The following RBFOX1 variants were observed in gnomAD, a reference collection of about 807,000 sequenced individuals.
RBFOX1 encodes the protein RNA binding protein fox-1 homolog 1.
A neutral mutation model predicts 57.7 loss-of-function variants in RBFOX1; 8 were observed. The ratio of observed to expected loss-of-function variants is 0.14; its 90% CI spans 0.08 to 0.25. The LOEUF is 0.25. Among genes scored for constraint, RBFOX1 ranks in the 10% least tolerant of loss-of-function variants. The pLI, the probability that RBFOX1 is intolerant of heterozygous loss-of-function variation, is 1.00. For synonymous variants in RBFOX1, 326 were observed against 222.4 expected, an observed-to-expected ratio of 1.47 and a Z score of -4.15; for missense variants, 611 against 548.5, an observed-to-expected ratio of 1.11 and a Z score of -1.14.
intron 2 of RBFOX1, among the ~76,000 whole-genome samples, chr16:6,594,130 G>A (rs2097753990): frequency 6.6e-6 from 1 of 152,162 alleles, no homozygotes; most frequent in Non-Finnish European, 1.5e-5. Flanking sequence ...CAATTCATAA[G>A]AAATGACAGG....
chr16:7,364,324 C>T (rs929446375), intron 4 of RBFOX1, among the ~76,000 whole-genome samples: 9 of 151,998 alleles, frequency 5.9e-5, no homozygotes, highest in Non-Finnish European at 1.2e-4. Flanking sequence ...AGAAAGGGCC[C>T]TGGAATTAAT....
chr16:6,415,756 A>G (rs1351349470), intron 2 of RBFOX1, among the ~76,000 whole-genome samples: 3 of 152,306 alleles, frequency 2.0e-5, no homozygotes, highest in Admixed American at 1.3e-4. Context: ...CAGAGCTCCA[A>G]TATGTAACCC....
chr16:5,557,642 T>G (rs967939304), intron 2 of RBFOX1, among the ~76,000 whole-genome samples: 4 of 152,144 alleles, frequency 2.6e-5, no homozygotes, highest in African/African-American at 9.7e-5. Flanking sequence ...GCAAAGGCCC[T>G]GAGGCATTGT....
chr16:7,386,103 T>C (rs2097874942), intron 4 of RBFOX1, among the ~76,000 whole-genome samples: 2 of 152,062 alleles, frequency 1.3e-5, no homozygotes, highest in South Asian at 4.2e-4. Context: ...TTTAAGGTTT[T>C]GCCACACGCT....
intron 9 of RBFOX1, among the ~76,000 whole-genome samples, chr16:7,603,689 T>A (rs1394939836): frequency 6.6e-6 from 1 of 151,822 alleles, no homozygotes. Context: ...TTTATAAAGA[T>A]GAAAATGGCC....
intron 3 of RBFOX1, among the ~76,000 whole-genome samples, chr16:6,712,019 C>G (rs1245604481): frequency 6.6e-6 from 1 of 152,200 alleles, no homozygotes; most frequent in Non-Finnish European, 1.5e-5. Flanking sequence ...CTCTCTTTCT[C>G]TGTCTCACAT....
chr16:5,319,275 A>T (rs764168710), intron 1 of RBFOX1, among the ~76,000 whole-genome samples: 1 of 152,222 alleles, frequency 6.6e-6, no homozygotes, highest in Admixed American at 6.5e-5. Context: ...TGACCTGTAG[A>T]AGCTGAGAGT....
chr16:7,491,865 A>T (rs1318939776), intron 4 of RBFOX1, among the ~76,000 whole-genome samples: 1 of 152,200 alleles, frequency 6.6e-6, no homozygotes, highest in African/African-American at 2.4e-5. Context: ...TTTGATTTTT[A>T]GTAATTTACA....
At chr16:6,714,912 G>T (rs559897190) in intron 3 of RBFOX1, among the ~76,000 whole-genome samples, 1 of 152,188 alleles carries the variant, frequency 6.6e-6, no homozygotes, top group Non-Finnish European at 1.5e-5. Context: ...GAAGCTAAAA[G>T]TGGAGACAGA....
chr16:6,070,148 G>A (rs11645768), intron 1 of RBFOX1, among the ~76,000 whole-genome samples: 141,333 of 152,306 alleles, frequency 0.93, 65,642 homozygotes, highest in African/African-American at 0.96. Flanking sequence ...GTAATAATAT[G>A]AGAACTTTGT....
chr16:7,491,684 G>A (rs1438966303), intron 4 of RBFOX1, among the ~76,000 whole-genome samples: 4 of 152,052 alleles, frequency 2.6e-5, no homozygotes, highest in East Asian at 3.9e-4. Context: ...AGGCTGGAGT[G>A]CAAGTACATG....
chr16:6,148,984 C>T (rs1037251327), intron 1 of RBFOX1, among the ~76,000 whole-genome samples: 3 of 152,122 alleles, frequency 2.0e-5, no homozygotes, highest in Non-Finnish European at 4.4e-5. Context: ...AAAAGGGGGC[C>T]TCACACCTCA....
At chr16:7,123,610 C>T (rs2067710817) in intron 4 of RBFOX1, among the ~76,000 whole-genome samples, 1 of 152,130 alleles carries the variant, frequency 6.6e-6, no homozygotes, top group Non-Finnish European at 1.5e-5. Context: ...AGCAATCCTC[C>T]TGCCTCAACT....
intron 2 of RBFOX1, among the ~76,000 whole-genome samples, chr16:6,364,043 T>G (rs1479229669): frequency 1.3e-5 from 2 of 152,208 alleles, no homozygotes; most frequent in Non-Finnish European, 2.9e-5. Context: ...TGGCCTGTAT[T>G]TTGCATTTGA....
At chr16:6,933,017 A>C (rs1462286647) in intron 3 of RBFOX1, among the ~76,000 whole-genome samples, 1 of 152,150 alleles carries the variant, frequency 6.6e-6, no homozygotes, top group Non-Finnish European at 1.5e-5. Context: ...TTACTGGTTT[A>C]TTTCACTTAG....
chr16:6,930,997 C>A (rs762696828), intron 3 of RBFOX1, among the ~76,000 whole-genome samples: 5 of 151,848 alleles, frequency 3.3e-5, no homozygotes, highest in African/African-American at 1.2e-4. Context: ...TTCCTATCTT[C>A]TCCTTTCTGG....
At chr16:5,298,980 A>G (rs1030442772) in intron 1 of RBFOX1, among the ~76,000 whole-genome samples, 2 of 131,524 alleles carry the variant, frequency 1.5e-5, no homozygotes, top group Non-Finnish European at 3.2e-5. Flanking sequence ...TAAGCATTCA[A>G]TTTAATGGGT....
chr16:6,888,566 G>T lies in RBFOX1; in HGVS notation c.-15-163491G>T, dbSNP rs534192448. On this transcript the variant is annotated intron_variant, in intron 3 of 15. Coordinates refer to ENST00000550418, the MANE Select transcript of RBFOX1 (RefSeq NM_018723.4). Reference sequence around the variant, plus strand: ...GTTTTTACTTGCTGTTTGTCCTCTGGGTAAAATATTGTGTCCGTAGGGTTA... The same window carrying T: ...GTTTTTACTTGCTGTTTGTCCTCTGTGTAAAATATTGTGTCCGTAGGGTTA... 5.9e-5 allele frequency among the ~76,000 whole-genome samples: 9 copies of T among 151,902 alleles called. No homozygotes were observed. The South Asian group carries it at 1.0e-3, about 18-fold the overall frequency.
At chr16:6,517,240 T>A (rs1438914315) in intron 2 of RBFOX1, among the ~76,000 whole-genome samples, 1 of 152,136 alleles carries the variant, frequency 6.6e-6, no homozygotes, top group African/African-American at 2.4e-5. Context: ...GCTGAACAGC[T>A]CGCATTTTGA....
Sources: gnomAD v4.1 joint callset for allele counts (sites outside exome capture counted in the v4.1 genomes callset) on GRCh38, gnomAD v4.1.1 for gene constraint, MANE v1.5 for transcripts, NCBI Gene and HGNC (gene_info 2026-07-23, HGNC 2026-07-21) for gene names.